Variants in TRIM24 observed in about 807,000 individuals in gnomAD.
TRIM24 encodes transcription intermediary factor 1-alpha.
Under a neutral mutation model 123.9 loss-of-function variants are expected in TRIM24, and 29 were observed. The observed-to-expected ratio is 0.23, with a 90% confidence interval of 0.17 to 0.32. TRIM24 has a LOEUF of 0.32. TRIM24 is among the 10% of genes least tolerant of loss of function. The pLI is 1.00. For synonymous variants in TRIM24, 456 were observed against 461.1 expected (o/e 0.99, Z 0.14); for missense variants, 932 against 1,295.3 (o/e 0.72, Z 4.31).
At chr7:138,543,230 T>G (rs1166614368) in intron 7 of TRIM24, among the ~76,000 whole-genome samples, 1 of 152,226 alleles carries the variant, frequency 6.6e-6, no homozygotes, top group African/African-American at 2.4e-5. Flanking sequence ...AAAGAGATAG[T>G]CATCTATATG....
chr7:138,584,667 CA>C (rs1247734310), intron 18 of TRIM24, 74 bp from the exon 19 acceptor site: 2 of 1,197,250 alleles, frequency 1.7e-6, no homozygotes, highest in African/African-American at 3.1e-5. Flanking sequence ...CTTTTCAAAA[CA>C]GCTCATTAAT....
rs572569541 is a variant in TRIM24, at chr7:138,573,216, G to A, written c.1879-291G>A. On this transcript the variant is annotated intron_variant, in intron 11 of 18. Coordinates refer to ENST00000343526, the MANE Select transcript of TRIM24 (RefSeq NM_015905.3). ...GTTTTTCATATGGCAAGCTTTTGTC[G>A]TTTATAAGAATTTTTTCAATTTTTA... Among the ~76,000 whole-genome samples the A allele has an allele frequency of 7.9e-5, 12 of 152,212 alleles. No homozygotes were observed. The East Asian group carries it at 1.7e-3, about 22-fold the overall frequency.
At chr7:138,535,601 G>C (rs764690611) in intron 6 of TRIM24, among the ~76,000 whole-genome samples, 16 of 152,156 alleles carry the variant, frequency 1.1e-4, no homozygotes, top group Non-Finnish European at 2.9e-5. Flanking sequence ...AGTCTGATGG[G>C]CTTCCCTTTG....
At chr7:138,541,087 G>T (rs745381928) in intron 7 of TRIM24, among the ~76,000 whole-genome samples, 1 of 152,052 alleles carries the variant, frequency 6.6e-6, no homozygotes, top group East Asian at 1.9e-4. Flanking sequence ...TGATCCACCC[G>T]CCTTGGCCTC....
In TRIM24 at chr7:138,515,307, G is replaced by A. The variant is rs1057104702; in HGVS notation, c.579G>A (p.Arg193=). 6.2e-7 allele frequency: 1 copy of A among 1,613,660 alleles called. No homozygotes were observed. The highest frequency in any genetic ancestry group is 8.5e-7 in the Non-Finnish European group (1 of 1,179,704). ...AGACGTGTATCAGAGCTCATCAGAG[G>A]GTAAAGTTCACAAAAGACCACACTG... is the stretch of plus-strand genomic sequence containing the variant. ...LCKTCIRAHQ[R]VKFTKDHTVR... Residue 193 remains arginine (R), a synonymous_variant, in exon 3 of 19, where the codon AGG becomes AGA. Coordinates refer to ENST00000343526, the MANE Select transcript of TRIM24 (RefSeq NM_015905.3).
At chr7:138,509,547 C>CA (rs1450321115) in intron 2 of TRIM24, among the ~76,000 whole-genome samples, 2 of 149,044 alleles carry the variant, frequency 1.3e-5, no homozygotes, top group South Asian at 2.1e-4. Flanking sequence ...ACTAAAAATA[C>CA]AAAAAAATTA....
chr7:138,551,492 G>A (rs1019434411), intron 8 of TRIM24, among the ~76,000 whole-genome samples: 1 of 152,048 alleles, frequency 6.6e-6, no homozygotes, highest in Non-Finnish European at 1.5e-5. Flanking sequence ...CTTTGAAAAC[G>A]TTTTCATTAT....
intron 6 of TRIM24, among the ~76,000 whole-genome samples, chr7:138,535,893 T>G (rs988422495): frequency 2.6e-5 from 4 of 152,198 alleles, no homozygotes; most frequent in Non-Finnish European, 4.4e-5. Flanking sequence ...AGTCCCATAT[T>G]TCTTGGTGGC....
intron 2 of TRIM24, chr7:138,514,933 G>C: frequency 3.6e-6 from 1 of 277,926 alleles, no homozygotes; most frequent in Non-Finnish European, 6.9e-6. Context: ...TTTCCTGACT[G>C]TTCTGTTCTC....
chr7:138,519,424 T>A (rs1796462580), intron 4 of TRIM24, 103 bp downstream of exon 4: 1 of 1,362,074 alleles, frequency 7.3e-7, no homozygotes, highest in Non-Finnish European at 1.0e-6. Context: ...ATAGGTTTTG[T>A]TTGGCCAGCA....
chr7:138,580,402 G>A (rs1797868015), intron 15 of TRIM24, among the ~76,000 whole-genome samples, 160 bp from the exon 16 acceptor site: 1 of 152,034 alleles, frequency 6.6e-6, no homozygotes, highest in Admixed American at 6.6e-5. Context: ...TCTCAGCATG[G>A]TGCAGTATAC....
intron 5 of TRIM24, among the ~76,000 whole-genome samples, chr7:138,525,750 T>C (rs988725920): frequency 3.3e-5 from 5 of 152,264 alleles, no homozygotes; most frequent in African/African-American, 1.2e-4. Context: ...GCCTGCCTTA[T>C]GCTGCAATTT....
chr7:138,534,779 C>T (rs907290294), intron 6 of TRIM24, among the ~76,000 whole-genome samples: 1 of 152,126 alleles, frequency 6.6e-6, no homozygotes, highest in Non-Finnish European at 1.5e-5. Context: ...TGTTAACTTT[C>T]TGTCTTGTTG....
chr7:138,582,248 T>G lies in TRIM24; in HGVS notation c.2793+477T>G, dbSNP rs184817590. Among the ~76,000 whole-genome samples, 981 of 152,268 alleles carry G rather than the reference T, an allele frequency of 6.4e-3. 3 individuals carry two copies. The highest frequency in any genetic ancestry group is 0.01 in the Non-Finnish European group (702 of 68,008). Reference sequence around the variant, plus strand: ...CTTCAGAAAGGTTCATATTGAAAGTTTGATGTGACTGTGGCCGGGCGCGGT... The same window carrying G: ...CTTCAGAAAGGTTCATATTGAAAGTGTGATGTGACTGTGGCCGGGCGCGGT... On this transcript the variant is annotated intron_variant, in intron 17 of 18. Transcript: ENST00000343526.
At chr7:138,482,670 A>G (rs908480976) in intron 1 of TRIM24, among the ~76,000 whole-genome samples, 1 of 152,202 alleles carries the variant, frequency 6.6e-6, no homozygotes, top group Non-Finnish European at 1.5e-5. Flanking sequence ...TAGGTACTTG[A>G]TAGGTTATGA....
rs1041742029 is a variant in TRIM24, at chr7:138,486,853, G to GT, written c.365-17430dup. Reference sequence around the variant, plus strand: ...ATGGTTCCATATGAACTTTAAAGTAGTTTTTTTCCAGTTCTGTGAAGACAG... The same window carrying GT: ...ATGGTTCCATATGAACTTTAAAGTAGTTTTTTTTCCAGTTCTGTGAAGACAG... On this transcript the variant is annotated intron_variant, in intron 1 of 18. Coordinates refer to ENST00000343526, the MANE Select transcript of TRIM24 (RefSeq NM_015905.3). 1.4e-4 allele frequency among the ~76,000 whole-genome samples: 22 copies of GT among 152,148 alleles called. 1 individual carries two copies. The highest frequency in any genetic ancestry group is 4.8e-4 in the African/African-American group (20 of 41,448).
chr7:138,580,804 TAA>T (rs1480788455), intron 16 of TRIM24, 110 bp downstream of exon 16: 15 of 1,052,766 alleles, frequency 1.4e-5, no homozygotes, highest in African/African-American at 1.1e-4. Context: ...CCTTTTTATT[TAA>T]GAGTATTTTT....
At chr7:138,525,044 T>A (rs1227339836) in intron 4 of TRIM24, among the ~76,000 whole-genome samples, 197 bp from the exon 5 acceptor site, 1 of 152,112 alleles carries the variant, frequency 6.6e-6, no homozygotes, top group Non-Finnish European at 1.5e-5. Context: ...TTCAAAATAT[T>A]TATGTGTCCA....
chr7:138,560,665 A>G (rs1280065909), intron 9 of TRIM24, among the ~76,000 whole-genome samples: 1 of 152,160 alleles, frequency 6.6e-6, no homozygotes, highest in Non-Finnish European at 1.5e-5. Context: ...TCCTTATTAT[A>G]TGAGTTCCTT....
Sources: gnomAD v4.1 joint callset for allele counts (sites outside exome capture counted in the v4.1 genomes callset) on GRCh38, gnomAD v4.1.1 for gene constraint, MANE v1.5 for transcripts, NCBI Gene and HGNC (gene_info 2026-07-23, HGNC 2026-07-21) for gene names.